KLRF2: variants seen among roughly 807,000 people sequenced by gnomAD.
KLRF2 encodes killer cell lectin like receptor F2.
Under a neutral mutation model 25.3 loss-of-function variants are expected in KLRF2, and 28 were observed. That is an observed-to-expected ratio of 1.11 (90% confidence interval 0.82 to 1.52). KLRF2 has a LOEUF of 1.52. Ranked by LOEUF, KLRF2 falls within the 40% of genes most tolerant of loss-of-function variation. The pLI, the probability that KLRF2 is intolerant of heterozygous loss-of-function variation, is 0.00. For synonymous variants in KLRF2, 73 were observed against 85.0 expected (o/e 0.86, Z 0.78); for missense variants, 265 against 245.8 (o/e 1.08, Z -0.52).
chr12:9,888,716 C>A lies in KLRF2; in HGVS notation c.170-17C>A. On this transcript the variant is annotated splice_polypyrimidine_tract_variant and intron_variant, in intron 2 of 5. Coordinates refer to ENST00000535540, the MANE Select transcript of KLRF2 (RefSeq NM_001190765.1). Reference sequence around the variant, plus strand: ...TTTTTAAATGTTTCTCATATCTTTTCTTTGCACTGAGTACAGATAAAAAAA... The same window carrying A: ...TTTTTAAATGTTTCTCATATCTTTTATTTGCACTGAGTACAGATAAAAAAA... 2.8e-6 allele frequency: 4 copies of A among 1,415,466 alleles called. No homozygotes were observed. Among genetic ancestry groups the A allele is most frequent in the Non-Finnish European group, 3.9e-6 (4 of 1,038,410 alleles). The allele number at this position is 1,415,466 out of a possible 1,614,324, so 87.7% of individuals were successfully genotyped here.
chr12:9,892,128 A>G (rs1041206727), intron 3 of KLRF2, among the ~76,000 whole-genome samples: 3 of 152,220 alleles, frequency 2.0e-5, no homozygotes, highest in Non-Finnish European at 2.9e-5. Flanking sequence ...ATCAATTATG[A>G]TATCTATGTG....
rs774306948 is a variant in KLRF2 at position 9,881,676 on chromosome 12, T to G, written c.70+11T>G. 6.5e-7 allele frequency: 1 copy of G among 1,527,268 alleles called. No homozygotes were observed. The highest frequency in any genetic ancestry group is 8.8e-7 in the Non-Finnish European group (1 of 1,139,124). The allele number at this position is 1,527,268 out of a possible 1,614,324, so 94.6% of individuals were successfully genotyped here. ...AGCAGAAATCTAAAGGTAGGAATAC[T>G]GCTCCCCATCACCGCATTTAAAATT... On this transcript the variant is annotated intron_variant, in intron 1 of 5. Coordinates refer to ENST00000535540, the MANE Select transcript of KLRF2 (RefSeq NM_001190765.1).
intron 2 of KLRF2, among the ~76,000 whole-genome samples, chr12:9,885,978 T>G (rs1359464139): frequency 6.6e-6 from 1 of 152,134 alleles, no homozygotes; most frequent in African/African-American, 2.4e-5. Flanking sequence ...AGATAATTTC[T>G]TGTTAGACAC....
intron 5 of KLRF2, among the ~76,000 whole-genome samples, chr12:9,895,305 G>A (rs1044315425): frequency 2.6e-5 from 4 of 152,186 alleles, no homozygotes; most frequent in African/African-American, 7.2e-5. Flanking sequence ...CTGAAATTAT[G>A]GAGGTCAGTT....
rs1862698684 is a variant in KLRF2, at chr12:9,893,001, C to T, written c.218-19C>T. On this transcript the variant is annotated intron_variant, in intron 3 of 5. Transcript: ENST00000535540. The stretch of plus-strand genomic sequence containing the variant: ...TTGGCTGTAAAGTTTAATTAATTTT[C>T]CCCTATGTTTTCCTTTAGGACACAA... 1 of 1,518,016 alleles carries T rather than the reference C, an allele frequency of 6.6e-7. No individual in the cohort carries two copies. 94.0% of individuals were successfully genotyped at this position (1,518,016 alleles called of 1,614,324 possible).
At chr12:9,891,560 CCT>C (rs1862676259) in intron 3 of KLRF2, among the ~76,000 whole-genome samples, 1 of 152,064 alleles carries the variant, frequency 6.6e-6, no homozygotes, top group African/African-American at 2.4e-5. Flanking sequence ...ATAAATATCC[CCT>C]CTCAAATCAT....
chr12:9,893,494 A>G lies in KLRF2; in HGVS notation c.432A>G (p.Gln144=). 1 of 1,525,222 alleles carries G rather than the reference A, an allele frequency of 6.6e-7. No individual in the cohort carries two copies. Among genetic ancestry groups the G allele is most frequent in the Non-Finnish European group, 8.8e-7 (1 of 1,137,886 alleles). The allele number at this position is 1,525,222 out of a possible 1,614,324, so 94.5% of individuals were successfully genotyped here. Residue 144 remains glutamine (Q), a synonymous_variant, in exon 5 of 6, where the codon CAA becomes CAG. Transcript: ENST00000535540. ...GGATTGGACTATATGTTACATTCCA[A>G]GGGAACCTATGGATGTGGATAGATG... ...FGWIGLYVTF[Q]GNLWMWIDEH...
chr12:9,886,636 A>G (rs974963796), intron 2 of KLRF2, among the ~76,000 whole-genome samples: 9 of 152,220 alleles, frequency 5.9e-5, no homozygotes, highest in African/African-American at 2.2e-4. Flanking sequence ...TTTAAAAATA[A>G]CTTTTGAAAG....
rs1253577832 is a variant in KLRF2 at position 9,893,083 on chromosome 12, C to G, written c.281C>G (p.Thr94Ser). The stretch of plus-strand genomic sequence containing the variant: ...GAAGGGAAATGTTACTGGTTTTCAA[C>G]TTCTTTTAAAACGTGGAAAGAGAGT... The part of the protein sequence containing the change: ...LNEGKCYWFS[T>S]SFKTWKESQR... Residue 94 changes from threonine to serine, a missense_variant, in exon 4 of 6, where the codon ACT (threonine) becomes AGT (serine). Coordinates refer to ENST00000535540, the MANE Select transcript of KLRF2 (RefSeq NM_001190765.1). The G allele has an allele frequency of 2.0e-6, 3 of 1,535,472 alleles. No homozygotes were observed. Among genetic ancestry groups the G allele is most frequent in the Non-Finnish European group, 2.6e-6 (3 of 1,146,416 alleles).
At chr12:9,889,760 G>A (rs1471921257) in intron 3 of KLRF2, among the ~76,000 whole-genome samples, 2 of 151,876 alleles carry the variant, frequency 1.3e-5, no homozygotes, top group African/African-American at 4.8e-5. Flanking sequence ...AATACAGTGT[G>A]GAGGCAGTAT....
chr12:9,884,670 A>G (rs1422501825), intron 1 of KLRF2, among the ~76,000 whole-genome samples: 2 of 150,080 alleles, frequency 1.3e-5, no homozygotes, highest in African/African-American at 2.4e-5. Flanking sequence ...TGTATAATTT[A>G]TATGGAATTT....
chr12:9,887,041 A>C (rs1370198364), intron 2 of KLRF2, among the ~76,000 whole-genome samples: 1 of 152,152 alleles, frequency 6.6e-6, no homozygotes, highest in Admixed American at 6.5e-5. Context: ...ATATAAGAGG[A>C]TATCTGAGAT....
intron 2 of KLRF2, among the ~76,000 whole-genome samples, chr12:9,886,454 G>A (rs1862598502): frequency 6.6e-6 from 1 of 152,120 alleles, no homozygotes; most frequent in Non-Finnish European, 1.5e-5. Context: ...ATAAATCAAT[G>A]GGGAGAACCT....
rs1487201006 is a variant in KLRF2 at position 9,884,898 on chromosome 12, G to A, written c.71-36G>A. 7.4e-6 allele frequency: 5 copies of A among 672,184 alleles called. No individual in the cohort carries two copies. In the East Asian group the frequency reaches 1.7e-4, roughly 23 times the overall value. 41.6% of individuals were successfully genotyped at this position (672,184 alleles called of 1,614,324 possible). On this transcript the variant is annotated intron_variant, in intron 1 of 5. Coordinates refer to ENST00000535540, the MANE Select transcript of KLRF2 (RefSeq NM_001190765.1). Reference sequence around the variant, plus strand: ...TGAAACAGAAAAATATTTATAAAGTGAATAATCACAAGAATTCTAAAATTC... The same window carrying A: ...TGAAACAGAAAAATATTTATAAAGTAAATAATCACAAGAATTCTAAAATTC...
chr12:9,883,009 A>C (rs1052984548), intron 1 of KLRF2, among the ~76,000 whole-genome samples: 4 of 152,226 alleles, frequency 2.6e-5, no homozygotes, highest in African/African-American at 9.6e-5. Flanking sequence ...GTATTGATAC[A>C]TAAAATATAA....
rs145600406 is a variant in KLRF2, at chr12:9,895,068, G to A, written c.480-621G>A. ...CAAAGGCATTCCATTTATACATTGC[G>A]CATCATCCTAACCTTATACTGTGGA... On this transcript the variant is annotated intron_variant, in intron 5 of 5. Coordinates refer to ENST00000535540, the MANE Select transcript of KLRF2 (RefSeq NM_001190765.1). Among the ~76,000 whole-genome samples, 26 of 152,204 alleles carry A rather than the reference G, an allele frequency of 1.7e-4. No homozygotes were observed. In the East Asian group the frequency reaches 3.7e-3, roughly 22 times the overall value.
chr12:9,893,270 C>A, intron 4 of KLRF2, 102 bp downstream of exon 4: 3 of 1,086,946 alleles, frequency 2.8e-6, no homozygotes, highest in Admixed American at 2.5e-5. Flanking sequence ...TGCTTCTGAA[C>A]ATGTGTTAGC....
intron 5 of KLRF2, among the ~76,000 whole-genome samples, chr12:9,894,109 CT>C (rs1168422390): frequency 7.3e-6 from 1 of 136,476 alleles, no homozygotes; most frequent in African/African-American, 2.8e-5. Flanking sequence ...CTCTCTTTTT[CT>C]TTTTCTTTCT....
intron 5 of KLRF2, among the ~76,000 whole-genome samples, chr12:9,894,062 C>CT (rs755416544): frequency 6.6e-6 from 1 of 151,240 alleles, no homozygotes; most frequent in East Asian, 1.9e-4. Context: ...TTCTCTTTCT[C>CT]TTTTTTCTTT....
Sources: allele counts gnomAD v4.1 joint callset (sites outside exome capture counted in the v4.1 genomes callset), GRCh38; gene constraint gnomAD v4.1.1; transcripts MANE v1.5; gene names NCBI Gene and HGNC (gene_info 2026-07-23, HGNC 2026-07-21).